Variants in UBE2E2 observed in about 807,000 individuals in gnomAD.
UBE2E2 encodes the protein ubiquitin-conjugating enzyme E2 E2.
UBE2E2 carries 6 observed loss-of-function variants against 24.7 expected under a neutral mutation model. That is an observed-to-expected ratio of 0.24 (90% CI 0.13 to 0.48). The LOEUF is 0.48. Ranked by LOEUF, UBE2E2 falls within the 20% of genes least tolerant of loss-of-function variation. UBE2E2 has a pLI of 0.99. For missense variants in UBE2E2, 169 were observed against 245.0 expected (o/e 0.69, Z 2.07); for synonymous variants, 104 against 83.6 (o/e 1.24, Z -1.33).
In UBE2E2 at chr3:23,564,036, T is replaced by G. The variant is rs1465610242; in HGVS notation, c.509-25698T>G. On this transcript the variant is annotated intron_variant, in intron 5 of 5. Coordinates refer to ENST00000396703, the MANE Select transcript of UBE2E2 (RefSeq NM_152653.4). ...AGGAAGGAAGGAAAGAGGTTTTTTC[T>G]GTTTTTTTTTACCATTCCTAAGAAC... 2.9e-5 allele frequency among the ~76,000 whole-genome samples: 4 copies of G among 138,886 alleles called. No individual in the cohort carries two copies. In the East Asian group the frequency reaches 9.0e-4, roughly 31 times the overall value. The allele number at this position is 138,886 out of a possible 152,430, so 91.1% of individuals were successfully genotyped here.
intron 3 of UBE2E2, among the ~76,000 whole-genome samples, chr3:23,290,035 A>G (rs1698720172): frequency 6.6e-6 from 1 of 152,266 alleles, no homozygotes; most frequent in Non-Finnish European, 1.5e-5. Flanking sequence ...TTGAGTTAAC[A>G]CAAGGGTGAA....
At chr3:23,400,607 AACAC>A (rs3087043) in intron 3 of UBE2E2, among the ~76,000 whole-genome samples, 20,564 of 137,734 alleles carry the variant, frequency 0.15, 1,480 homozygotes, top group South Asian at 0.21. Flanking sequence ...GAATAAATGA[AACAC>A]ACACACACAC....
chr3:23,481,389 C>G (rs1163234045), intron 3 of UBE2E2, among the ~76,000 whole-genome samples: 4 of 152,194 alleles, frequency 2.6e-5, no homozygotes, highest in Admixed American at 2.0e-4. Context: ...AAGAATCAGG[C>G]TATCGTTTCT....
intron 3 of UBE2E2, among the ~76,000 whole-genome samples, chr3:23,352,550 A>C (rs1416096641): frequency 6.6e-6 from 1 of 152,246 alleles, no homozygotes; most frequent in Non-Finnish European, 1.5e-5. Flanking sequence ...GATAAAGGGG[A>C]TATCACCACC....
At position 23,407,563 on chromosome 3, in the gene UBE2E2, C is replaced by G. The variant is rs1242226684; in HGVS notation, c.228-92045C>G. Among the ~76,000 whole-genome samples the G allele has an allele frequency of 1.4e-5, 2 of 146,128 alleles. No individual in the cohort carries two copies. Among genetic ancestry groups the G allele is most frequent in the Non-Finnish European group, 3.0e-5 (2 of 67,032 alleles). ...ACATTTGCTACATCCTTTATCTCCT[C>G]TGCGCCCCTCCCTCTACTTTTTATG... On this transcript the variant is annotated intron_variant, in intron 3 of 5. Coordinates refer to ENST00000396703, the MANE Select transcript of UBE2E2 (RefSeq NM_152653.4). The surrounding 1 kb of genome is among the most constrained non-coding windows in gnomAD (Gnocchi z 4.0).
intron 5 of UBE2E2, among the ~76,000 whole-genome samples, chr3:23,533,619 ATTTTTT>A (rs759984741): frequency 6.9e-4 from 75 of 108,524 alleles, no homozygotes; most frequent in African/African-American, 1.4e-3. Context: ...GCAAATTAGT[ATTTTTT>A]TTTTTTTTTT....
intron 5 of UBE2E2, among the ~76,000 whole-genome samples, chr3:23,562,867 A>T (rs979188198): frequency 6.6e-6 from 1 of 152,262 alleles, no homozygotes; most frequent in East Asian, 1.9e-4. Flanking sequence ...AGAGGTGTTT[A>T]TAGTATTCTC....
intron 3 of UBE2E2, among the ~76,000 whole-genome samples, chr3:23,347,111 G>A (rs763536929): frequency 1.3e-5 from 2 of 152,326 alleles, no homozygotes; most frequent in Middle Eastern, 3.4e-3. Flanking sequence ...CATAGGGACT[G>A]TAAACTAGTT....
intron 3 of UBE2E2, among the ~76,000 whole-genome samples, chr3:23,309,358 A>G (rs1421817365): frequency 6.6e-6 from 1 of 152,210 alleles, no homozygotes; most frequent in Non-Finnish European, 1.5e-5. Flanking sequence ...TAGTTCACAT[A>G]ACATAGTTAC....
intron 5 of UBE2E2, among the ~76,000 whole-genome samples, chr3:23,557,612 C>G (rs1324296742): frequency 6.6e-6 from 1 of 152,194 alleles, no homozygotes; most frequent in African/African-American, 2.4e-5. Flanking sequence ...TGAGAACATG[C>G]AAACTCTACA....
chr3:23,371,799 G>A (rs1696405603), intron 3 of UBE2E2, among the ~76,000 whole-genome samples: 1 of 152,086 alleles, frequency 6.6e-6, no homozygotes, highest in Middle Eastern at 3.2e-3. Context: ...TCTAAGTGCT[G>A]ATTACATGGG....
At chr3:23,361,639 G>A (rs1468826238) in intron 3 of UBE2E2, among the ~76,000 whole-genome samples, 1 of 152,206 alleles carries the variant, frequency 6.6e-6, no homozygotes, top group Non-Finnish European at 1.5e-5. Flanking sequence ...AGGATGCAAA[G>A]GCATAAGAGT....
chr3:23,436,115 G>A (rs544469286), intron 3 of UBE2E2, among the ~76,000 whole-genome samples: 11 of 152,114 alleles, frequency 7.2e-5, no homozygotes, highest in Admixed American at 3.9e-4. Flanking sequence ...CTCCTGCTGT[G>A]CGGCCCAGTT....
intron 2 of UBE2E2, among the ~76,000 whole-genome samples, chr3:23,214,549 C>A (rs886983910): frequency 1.3e-5 from 2 of 151,896 alleles, no homozygotes; most frequent in African/African-American, 4.8e-5. Flanking sequence ...CAATACTGAG[C>A]CTGGCCCAGG....
At chr3:23,522,226 G>A (rs574643294) in intron 4 of UBE2E2, among the ~76,000 whole-genome samples, 1 of 149,302 alleles carries the variant, frequency 6.7e-6, no homozygotes, top group East Asian at 2.0e-4. Context: ...CGCCTCCCGG[G>A]TTCGCGCCGT....
chr3:23,432,890 TATA>T (rs1698095240), intron 3 of UBE2E2, among the ~76,000 whole-genome samples: 1 of 151,888 alleles, frequency 6.6e-6, no homozygotes, highest in Non-Finnish European at 1.5e-5. Flanking sequence ...TTAATATTAA[TATA>T]ATTTATGTGT....
At chr3:23,478,879 A>AAT (rs564828153) in intron 3 of UBE2E2, among the ~76,000 whole-genome samples, 1,567 of 120,344 alleles carry the variant, frequency 0.013, 27 homozygotes, top group African/African-American at 0.043. Context: ...CATCTGTACA[A>AAT]ATATATATAT....
Position 23,250,428 on chromosome 3 carries a change from C to T in UBE2E2, c.227+33116C>T, listed in dbSNP as rs555788279. Among the ~76,000 whole-genome samples, 3 of 152,238 alleles carry T rather than the reference C, an allele frequency of 2.0e-5. No individual in the cohort carries two copies. In the South Asian group the frequency reaches 6.2e-4, roughly 32 times the overall value. ...TTTGTATTAGAGGTTGTTTTATGAACATGAGATTGGAAAAATGGTGGCATG... is the reference window on the plus strand; with the variant it reads ...TTTGTATTAGAGGTTGTTTTATGAATATGAGATTGGAAAAATGGTGGCATG... On this transcript the variant is annotated intron_variant, in intron 3 of 5. Coordinates refer to ENST00000396703, the MANE Select transcript of UBE2E2 (RefSeq NM_152653.4).
intron 3 of UBE2E2, among the ~76,000 whole-genome samples, chr3:23,264,422 A>G (rs2125356622): frequency 6.6e-6 from 1 of 152,186 alleles, no homozygotes; most frequent in East Asian, 1.9e-4. Flanking sequence ...CACACATAAA[A>G]CCTATTTCTT....
Sources: gnomAD v4.1 joint callset for allele counts (sites outside exome capture counted in the v4.1 genomes callset) on GRCh38, gnomAD v4.1.1 for gene constraint, Gnocchi (gnomAD v3.1) non-coding constraint, MANE v1.5 for transcripts, NCBI Gene and HGNC (gene_info 2026-07-23, HGNC 2026-07-21) for gene names.